Variants in RNF150 observed in about 807,000 individuals in gnomAD.
RNF150 encodes ring finger protein 150.
A neutral mutation model predicts 39.3 loss-of-function variants in RNF150; 24 were observed. That is an observed-to-expected ratio of 0.61 (90% CI 0.44 to 0.86). The LOEUF is 0.86. Among genes scored for constraint, RNF150 ranks in the 40% least tolerant of loss-of-function variants. RNF150 has a pLI of 0.00. For missense variants in RNF150, 502 were observed against 587.8 expected, an observed-to-expected ratio of 0.85 and a Z score of 1.51; for synonymous variants, 255 against 227.3, an observed-to-expected ratio of 1.12 and a Z score of -1.10.
chr4:140,929,470 C>T (rs913235927), intron 4 of RNF150, among the ~76,000 whole-genome samples: 1 of 147,968 alleles, frequency 6.8e-6, no homozygotes, highest in Admixed American at 6.9e-5. Context: ...GGGTTCACGC[C>T]ATTCTCCTGC....
intron 1 of RNF150, among the ~76,000 whole-genome samples, chr4:141,122,796 TCTTA>T (rs1055115654): frequency 4.6e-5 from 7 of 152,240 alleles, no homozygotes; most frequent in African/African-American, 1.4e-4. Context: ...TGTGGATGGT[TCTTA>T]CTATCTCTTT....
intron 1 of RNF150, among the ~76,000 whole-genome samples, chr4:141,111,700 G>A (rs1050443195): frequency 9.9e-5 from 15 of 152,174 alleles, no homozygotes; most frequent in Non-Finnish European, 2.1e-4. Context: ...TTAAAATCAA[G>A]GCTGTAGCAG....
chr4:140,871,429 T>C (rs1728935156), intron 6 of RNF150, among the ~76,000 whole-genome samples: 1 of 152,194 alleles, frequency 6.6e-6, no homozygotes, highest in South Asian at 2.1e-4. Context: ...GAATTCCCAC[T>C]TGGAGGTGTA....
At chr4:141,212,867 A>G (rs1184475058) in exon 1 of RNF150, 1 of 152,624 alleles carries the variant, frequency 6.6e-6, no homozygotes, top group Non-Finnish European at 1.5e-5. Flanking sequence ...AGCAAGCACA[A>G]TCTTCACATG....
At chr4:140,963,177 GT>G (rs1405967687) in intron 2 of RNF150, among the ~76,000 whole-genome samples, 3 of 152,088 alleles carry the variant, frequency 2.0e-5, no homozygotes, top group South Asian at 4.1e-4. Flanking sequence ...CAATAAAAAT[GT>G]TTTTAAACAT....
At position 140,947,742 on chromosome 4, in the gene RNF150, A is replaced by G. The variant is rs1438198452; in HGVS notation, c.808-6T>C. Reference sequence around the variant, plus strand: ...TCAAAATCAGACTCTGTTTCCTGCAACAGAGGAAGCACAGATGAGCCTATT... The same window carrying G: ...TCAAAATCAGACTCTGTTTCCTGCAGCAGAGGAAGCACAGATGAGCCTATT... On this transcript the variant is annotated splice_region_variant and splice_polypyrimidine_tract_variant and intron_variant, in intron 3 of 6. Coordinates refer to ENST00000515673, the MANE Select transcript of RNF150 (RefSeq NM_020724.2). 1 of 1,583,774 alleles carries G rather than the reference A, an allele frequency of 6.3e-7. No homozygotes were observed. Among genetic ancestry groups the G allele is most frequent in the African/African-American group, 1.4e-5 (1 of 73,760 alleles).
At chr4:140,923,208 C>T (rs1481249020) in intron 5 of RNF150, among the ~76,000 whole-genome samples, 34 of 152,056 alleles carry the variant, frequency 2.2e-4, no homozygotes, top group African/African-American at 7.3e-4. Context: ...AGAAAATTTT[C>T]GCAACCTACT....
intron 1 of RNF150, among the ~76,000 whole-genome samples, chr4:141,044,795 ACAC>A (rs143538180): frequency 2.1e-5 from 3 of 141,802 alleles, no homozygotes; most frequent in Admixed American, 7.0e-5. Context: ...ACACACACAC[ACAC>A]AATTCATGTG....
In RNF150 at chr4:140,991,113, T is replaced by C. The variant is rs149348949; in HGVS notation, c.485-23240A>G. On this transcript the variant is annotated intron_variant, in intron 1 of 6. Transcript: ENST00000515673. ...AGTGATGTTGAGCTTTTTTATTTTT[T>C]TCGTATGTTTGTTGACCACATGTAT... 3.5e-3 allele frequency among the ~76,000 whole-genome samples: 527 copies of C among 152,332 alleles called. 3 individuals are homozygous for C. The highest frequency in any genetic ancestry group is 0.012 in the African/African-American group (483 of 41,570).
At chr4:140,922,209 T>C (rs1731184336) in intron 5 of RNF150, among the ~76,000 whole-genome samples, 1 of 150,870 alleles carries the variant, frequency 6.6e-6, no homozygotes, top group African/African-American at 2.4e-5. Context: ...TGATTGTATA[T>C]CTAGAAAACC....
At chr4:141,134,135 T>A (rs1432049209), upstream of RNF150, among the ~76,000 whole-genome samples, 2 of 152,216 alleles carry the variant, frequency 1.3e-5, no homozygotes, top group African/African-American at 4.8e-5. Flanking sequence ...CTGTGTTTAT[T>A]CTGATTGTCA....
chr4:141,139,928 G>A (rs1287101829), intron 1 of RNF150, among the ~76,000 whole-genome samples: 1 of 152,104 alleles, frequency 6.6e-6, no homozygotes, highest in Non-Finnish European at 1.5e-5. Flanking sequence ...ACTTGACTCT[G>A]ATTTGAACTT....
chr4:141,169,012 C>T (rs1727654609), intron 1 of RNF150, among the ~76,000 whole-genome samples: 1 of 152,068 alleles, frequency 6.6e-6, no homozygotes, highest in African/African-American at 2.4e-5. Flanking sequence ...GTGAGAAGGA[C>T]ATGAAATTTG....
chr4:140,957,966 C>T (rs539088965), intron 2 of RNF150, among the ~76,000 whole-genome samples: 177 of 151,658 alleles, frequency 1.2e-3, no homozygotes, highest in African/African-American at 4.1e-3. Context: ...GTGGGTGTAG[C>T]GCACCAGCAT....
intron 1 of RNF150, among the ~76,000 whole-genome samples, chr4:141,053,068 G>C (rs1471499486): frequency 6.6e-6 from 1 of 152,096 alleles, no homozygotes; most frequent in Non-Finnish European, 1.5e-5. Flanking sequence ...ATAAATTAAA[G>C]ATAAATGAAA....
intron 1 of RNF150, among the ~76,000 whole-genome samples, chr4:141,000,034 AG>A (rs879942933): frequency 0.071 from 3,985 of 56,344 alleles, 747 homozygotes; most frequent in Non-Finnish European, 0.12. Context: ...AAGAAGAAGA[AG>A]AAGAAGAAGA....
intron 1 of RNF150, among the ~76,000 whole-genome samples, chr4:140,975,214 G>T (rs1733618165): frequency 6.6e-6 from 1 of 152,166 alleles, no homozygotes; most frequent in African/African-American, 2.4e-5. Context: ...AGCCATGATT[G>T]TGCCACTGTG....
At chr4:140,918,198 G>A (rs1730928623) in intron 5 of RNF150, among the ~76,000 whole-genome samples, 1 of 152,034 alleles carries the variant, frequency 6.6e-6, no homozygotes, top group Non-Finnish European at 1.5e-5. Flanking sequence ...AATCAGAGCA[G>A]AACTGAAGGA....
At chr4:141,084,365 G>C (rs1560729807) in intron 1 of RNF150, among the ~76,000 whole-genome samples, 1 of 151,990 alleles carries the variant, frequency 6.6e-6, no homozygotes, top group Non-Finnish European at 1.5e-5. Flanking sequence ...CAAATAAAGA[G>C]TTTTACCCTT....
Sources: gnomAD v4.1 joint callset for allele counts (sites outside exome capture counted in the v4.1 genomes callset) on GRCh38, gnomAD v4.1.1 for gene constraint, MANE v1.5 for transcripts, NCBI Gene and HGNC (gene_info 2026-07-23, HGNC 2026-07-21) for gene names.